Variants in CNTNAP5 observed in about 807,000 individuals in gnomAD.
CNTNAP5 encodes the protein contactin associated protein family member 5.
CNTNAP5 carries 72 observed loss-of-function variants against 150.2 expected under a neutral mutation model. That is an observed-to-expected ratio of 0.48 (90% CI 0.40 to 0.58). CNTNAP5 has a LOEUF of 0.58. Ranked by LOEUF, CNTNAP5 falls within the 20% of genes least tolerant of loss-of-function variation. The pLI is 0.00. For missense variants in CNTNAP5, 1,636 were observed against 1,626.2 expected (o/e 1.01, Z -0.10); for synonymous variants, 672 against 619.8 (o/e 1.08, Z -1.25).
At chr2:124,654,012 T>C (rs966828383) in intron 13 of CNTNAP5, among the ~76,000 whole-genome samples, 1 of 144,534 alleles carries the variant, frequency 6.9e-6, no homozygotes, top group African/African-American at 2.6e-5. Context: ...TGTGGGGAGC[T>C]GCATCTCACA....
chr2:124,179,274 C>T (rs1011302013), intron 1 of CNTNAP5, among the ~76,000 whole-genome samples: 6 of 152,124 alleles, frequency 3.9e-5, no homozygotes, highest in African/African-American at 1.4e-4. Context: ...ATTCTCCTGC[C>T]TTAGCCTCCT....
intron 1 of CNTNAP5, among the ~76,000 whole-genome samples, chr2:124,119,388 T>C (rs942230150): frequency 8.6e-5 from 13 of 151,268 alleles, no homozygotes; most frequent in South Asian, 6.3e-4. Context: ...ATGCCTGTTG[T>C]ATACTTGATC....
intron 3 of CNTNAP5, among the ~76,000 whole-genome samples, chr2:124,345,797 C>T (rs559577096): frequency 5.9e-5 from 9 of 152,154 alleles, no homozygotes; most frequent in Non-Finnish European, 8.8e-5. Flanking sequence ...CAAAATTATC[C>T]GTTCCTCTAT....
chr2:124,714,039 T>C (rs1026388816), intron 13 of CNTNAP5, among the ~76,000 whole-genome samples: 2 of 152,192 alleles, frequency 1.3e-5, no homozygotes, highest in Non-Finnish European at 2.9e-5. Flanking sequence ...TAGGCTCTTT[T>C]TTTCCCCCCA....
chr2:124,208,668 T>C (rs1489521290), intron 1 of CNTNAP5, among the ~76,000 whole-genome samples: 2 of 152,180 alleles, frequency 1.3e-5, no homozygotes, highest in African/African-American at 2.4e-5. Flanking sequence ...TGTCCATTCC[T>C]GACAAATAAA....
chr2:124,431,214 T>C (rs569707810), intron 4 of CNTNAP5, among the ~76,000 whole-genome samples: 4 of 152,252 alleles, frequency 2.6e-5, no homozygotes, highest in Admixed American at 2.6e-4. Flanking sequence ...AACATTTGTA[T>C]CCTCAGTTAA....
At position 124,689,554 on chromosome 2, in the gene CNTNAP5, T is replaced by A. The variant is rs1187201059; in HGVS notation, c.2077+41596T>A. Reference sequence around the variant, plus strand: ...GTGTTTGCCTGTCCACATATATGTATATGTGTGCACGTGTGTGGATATGTG... The same window carrying A: ...GTGTTTGCCTGTCCACATATATGTAAATGTGTGCACGTGTGTGGATATGTG... On this transcript the variant is annotated intron_variant, in intron 13 of 23. Transcript: ENST00000682447. 3.3e-5 allele frequency among the ~76,000 whole-genome samples: 5 copies of A among 152,082 alleles called. No individual in the cohort carries two copies. The East Asian group carries it at 5.8e-4, about 18-fold the overall frequency.
In CNTNAP5 at chr2:124,567,738, G is replaced by T. The variant is rs190178034; in HGVS notation, c.1756+4415G>T. Among the ~76,000 whole-genome samples, 928 of 152,142 alleles carry T rather than the reference G, an allele frequency of 6.1e-3. 1 individual carries two copies. The highest frequency in any genetic ancestry group is 0.027 in the Middle Eastern group (8 of 294). On this transcript the variant is annotated intron_variant, in intron 11 of 23. Transcript: ENST00000682447. ...AAAACCAAGCTTCTAAGTACTCAGG[G>T]TATATTTTGGTCATGGTATGTCATA...
intron 3 of CNTNAP5, among the ~76,000 whole-genome samples, chr2:124,243,377 A>G (rs571036522): frequency 1.2e-4 from 19 of 152,286 alleles, no homozygotes; most frequent in Admixed American, 5.9e-4. Flanking sequence ...TCTCCCTGAT[A>G]AAAATGAAAT....
At chr2:124,510,257 CTA>C (rs1320156990) in intron 8 of CNTNAP5, among the ~76,000 whole-genome samples, 1 of 20,466 alleles carries the variant, frequency 4.9e-5, no homozygotes, top group African/African-American at 1.3e-4. Flanking sequence ...ATATCTATAT[CTA>C]TATATCTATA....
chr2:124,621,376 G>A (rs142058645), intron 12 of CNTNAP5, among the ~76,000 whole-genome samples: 5 of 152,236 alleles, frequency 3.3e-5, no homozygotes, highest in East Asian at 1.9e-4. Flanking sequence ...TCTCTAAAGC[G>A]AAACTTATTT....
At chr2:124,277,119 C>A (rs986942795) in intron 3 of CNTNAP5, among the ~76,000 whole-genome samples, 2 of 152,068 alleles carry the variant, frequency 1.3e-5, no homozygotes, top group African/African-American at 4.8e-5. Context: ...TCCCTGAAAC[C>A]CAACCAAGAA....
In CNTNAP5 at chr2:124,474,751, G is replaced by A; in HGVS notation, c.931G>A (p.Gly311Arg). 2 of 1,574,982 alleles carry A rather than the reference G, an allele frequency of 1.3e-6. No individual in the cohort carries two copies. Among genetic ancestry groups the A allele is most frequent in the South Asian group, 2.4e-5 (2 of 84,206 alleles). ...LDIDYELSFGGIPVPGKPGTF... is the reference protein window; with the variant it reads ...LDIDYELSFGRIPVPGKPGTF... Reference sequence around the variant, plus strand: ...TTCACCCCAAAAGCTTAGTTTTGGAGGAATTCCAGTACCAGGAAAACCTGG... The same window carrying A: ...TTCACCCCAAAAGCTTAGTTTTGGAAGAATTCCAGTACCAGGAAAACCTGG... Residue 311 changes from glycine to arginine, a missense_variant, in exon 7 of 24, where the codon GGA becomes AGA. Coordinates refer to ENST00000682447, the MANE Select transcript of CNTNAP5 (RefSeq NM_001367498.1).
intron 9 of CNTNAP5, among the ~76,000 whole-genome samples, chr2:124,527,040 T>A (rs1232382934): frequency 6.6e-6 from 1 of 152,170 alleles, no homozygotes; most frequent in African/African-American, 2.4e-5. Context: ...AGGAGACACA[T>A]GTTACAGTAT....
chr2:124,166,149 A>G (rs1919849), intron 1 of CNTNAP5, among the ~76,000 whole-genome samples: 147,486 of 152,256 alleles, frequency 0.97, 71,605 homozygotes, highest in East Asian at 1. Context: ...AAACAGCCAA[A>G]TGTTGGGTCT....
At chr2:124,793,839 T>C (rs1681788525) in intron 18 of CNTNAP5, among the ~76,000 whole-genome samples, 1 of 152,172 alleles carries the variant, frequency 6.6e-6, no homozygotes, top group African/African-American at 2.4e-5. Context: ...ACCACTGTCA[T>C]AGTGTTTTAA....
chr2:124,266,970 AT>A (rs70996057), intron 3 of CNTNAP5, among the ~76,000 whole-genome samples: 4,643 of 148,608 alleles, frequency 0.031, 236 homozygotes, highest in African/African-American at 0.11. Flanking sequence ...TAGATGAGAG[AT>A]TTTTTTTTTT....
intron 19 of CNTNAP5, among the ~76,000 whole-genome samples, chr2:124,859,785 C>A (rs1359456889): frequency 6.6e-6 from 1 of 151,742 alleles, no homozygotes; most frequent in Non-Finnish European, 1.5e-5. Flanking sequence ...TGGAAACCAT[C>A]ATTCTCAGCA....
chr2:124,460,733 CT>C (rs1693226534), intron 6 of CNTNAP5, among the ~76,000 whole-genome samples: 1 of 152,176 alleles, frequency 6.6e-6, no homozygotes, highest in Non-Finnish European at 1.5e-5. Context: ...GAGGCCACCC[CT>C]TGCTGCCTTC....
Sources: gnomAD v4.1 joint callset for allele counts (sites outside exome capture counted in the v4.1 genomes callset) on GRCh38, gnomAD v4.1.1 for gene constraint, MANE v1.5 for transcripts, NCBI Gene and HGNC (gene_info 2026-07-23, HGNC 2026-07-21) for gene names.